The following CFAP92 variants were observed in gnomAD, a reference collection of about 807,000 sequenced individuals.
CFAP92 encodes cilia and flagella associated protein 92 (putative), also known as uncharacterized protein CFAP92.
CFAP92 carries 86 observed loss-of-function variants against 106.3 expected under a neutral mutation model. The observed-to-expected ratio is 0.81, with a 90% confidence interval of 0.68 to 0.97. CFAP92 has a LOEUF of 0.97. CFAP92 is among the 50% of genes least tolerant of loss of function. CFAP92 has a pLI of 0.00. For missense variants in CFAP92, 1,204 were observed against 1,283.8 expected, an observed-to-expected ratio of 0.94 and a Z score of 0.95; for synonymous variants, 477 against 506.4, an observed-to-expected ratio of 0.94 and a Z score of 0.78.
At chr3:129,023,309 T>TC in the CFAP92 span, among the ~76,000 whole-genome samples, 3 of 137,218 alleles carry the variant, frequency 2.2e-5, no homozygotes, top group African/African-American at 8.2e-5. Context: ...GCCTCTTGCT[T>TC]CTTTTTTTTT....
intron 4 of CFAP92, among the ~76,000 whole-genome samples, chr3:128,980,296 G>A (rs768296782): frequency 6.0e-5 from 9 of 150,544 alleles, no homozygotes; most frequent in Non-Finnish European, 1.0e-4. Context: ...GATTCTAGGA[G>A]GTCAAGGCTA....
chr3:128,962,308 CAAGG>C (rs1180461614), intron 9 of CFAP92, among the ~76,000 whole-genome samples: 1 of 152,166 alleles, frequency 6.6e-6, no homozygotes. Flanking sequence ...ACCTTCTTTT[CAAGG>C]GCCTGTTTCC....
At position 128,993,148 on chromosome 3, in the gene CFAP92, T is replaced by C. The variant is rs549151576; in HGVS notation, c.157A>G (p.Ser53Gly). ...GGCTCAGATGAGGACTCGATGCTGC[T>C]GCACGGGCGGTCAGAGTCAGACTCC... is the stretch of plus-strand genomic sequence containing the variant. ...AQESDSDRPC[S>G]SIESSSEPAS... is the part of the protein sequence containing the mutation. Residue 53 changes from serine (S) to glycine (G), a missense_variant, in exon 2 of 16, where the codon AGC (serine) becomes GGC (glycine). By Grantham distance (56) the Ser-to-Gly change is moderately conservative (BLOSUM62 0). Transcript: ENST00000645291. 1.2e-6 allele frequency: 2 copies of C among 1,614,092 alleles called. No individual in the cohort carries two copies. The highest frequency in any genetic ancestry group is 2.2e-5 in the South Asian group (2 of 91,092).
At chr3:128,968,778 C>T (rs1416856444) in intron 8 of CFAP92, 1 of 152,462 alleles carries the variant, frequency 6.6e-6, no homozygotes, top group Non-Finnish European at 1.5e-5. Flanking sequence ...AACCCCTGCA[C>T]TGTACAGCAT....
chr3:128,996,557 A>C (rs1263157513), upstream of CFAP92, among the ~76,000 whole-genome samples: 1 of 152,210 alleles, frequency 6.6e-6, no homozygotes, highest in African/African-American at 2.4e-5. Context: ...ACCCTACCTC[A>C]GTGAAGATGG....
the CFAP92 span, among the ~76,000 whole-genome samples, chr3:129,022,429 A>G: frequency 6.6e-6 from 1 of 152,188 alleles, no homozygotes. Context: ...TTACATGAAG[A>G]TCTGGAGCCA....
intron 4 of CFAP92, among the ~76,000 whole-genome samples, chr3:128,981,142 T>C (rs1222608307): frequency 1.3e-5 from 2 of 150,948 alleles, no homozygotes; most frequent in East Asian, 3.9e-4. Context: ...GTTCACGCCA[T>C]TCTCCTGCCT....
chr3:128,927,482 A>G (rs1429153591), intron 12 of CFAP92, among the ~76,000 whole-genome samples: 1 of 152,138 alleles, frequency 6.6e-6, no homozygotes, highest in Non-Finnish European at 1.5e-5. Flanking sequence ...GCACTTTGGG[A>G]GGCCGAGGCG....
chr3:129,013,571 C>T, the CFAP92 span, among the ~76,000 whole-genome samples: 1 of 152,206 alleles, frequency 6.6e-6, no homozygotes, highest in African/African-American at 2.4e-5. Flanking sequence ...AGCTCCTATC[C>T]TCCCAATCAC....
In CFAP92 at chr3:128,916,895, G is replaced by A. The variant is rs115963848; in HGVS notation, c.2752-624C>T. Among the ~76,000 whole-genome samples, 1,459 of 152,332 alleles carry A rather than the reference G, an allele frequency of 9.6e-3. 15 individuals are homozygous for A. The highest frequency in any genetic ancestry group is 0.033 in the African/African-American group (1,392 of 41,560). On this transcript the variant is annotated intron_variant, in intron 12 of 15. Coordinates refer to ENST00000645291, the MANE Select transcript of CFAP92 (RefSeq NM_001394090.1). ...ACTCTAAATTGTTGGGCACTGTGCA[G>A]TGTTTCATATGCATATTTCACAGTA...
At chr3:128,912,437 C>T in intron 15 of CFAP92, 1 of 1,423,122 alleles carries the variant, frequency 7.0e-7, no homozygotes, top group Non-Finnish European at 9.8e-7. Flanking sequence ...GAAAAATGCC[C>T]CCACTTCAGC....
chr3:128,952,998 C>T (rs1055765374), intron 9 of CFAP92, among the ~76,000 whole-genome samples: 2 of 152,114 alleles, frequency 1.3e-5, no homozygotes, highest in African/African-American at 4.8e-5. Flanking sequence ...CAGAGAACTG[C>T]TTGAACCCAG....
upstream of CFAP92, chr3:129,002,830 A>C (rs896395048): frequency 2.6e-5 from 4 of 155,002 alleles, no homozygotes; most frequent in African/African-American, 9.6e-5. Flanking sequence ...CTGTGGGAGA[A>C]ACAGAGACAA....
intron 7 of CFAP92, among the ~76,000 whole-genome samples, chr3:128,973,973 A>G (rs184847051): frequency 6.6e-6 from 1 of 152,374 alleles, no homozygotes; most frequent in Non-Finnish European, 1.5e-5. Flanking sequence ...CAAAATAAAA[A>G]GAACGGTTTA....
chr3:128,939,648 C>T (rs1008635139), intron 10 of CFAP92, among the ~76,000 whole-genome samples: 1 of 152,136 alleles, frequency 6.6e-6, no homozygotes, highest in Non-Finnish European at 1.5e-5. Flanking sequence ...CCTGATCCAC[C>T]GCCCTAAGTA....
At chr3:129,012,531 T>C in the CFAP92 span, among the ~76,000 whole-genome samples, 2 of 152,168 alleles carry the variant, frequency 1.3e-5, no homozygotes, top group Non-Finnish European at 2.9e-5. Flanking sequence ...AACATTCTGC[T>C]TCCCAGCACC....
At chr3:128,922,273 G>A (rs776564432) in intron 12 of CFAP92, among the ~76,000 whole-genome samples, 1 of 151,982 alleles carries the variant, frequency 6.6e-6, no homozygotes, top group East Asian at 1.9e-4. Context: ...AACCCAGGAG[G>A]TGGAGCTTGC....
At chr3:128,984,183 A>T (rs926722667) in intron 4 of CFAP92, among the ~76,000 whole-genome samples, 3 of 152,210 alleles carry the variant, frequency 2.0e-5, no homozygotes, top group Non-Finnish European at 4.4e-5. Flanking sequence ...CGAGCAGATT[A>T]AAGGGAAAAG....
chr3:129,017,843 G>A, the CFAP92 span, among the ~76,000 whole-genome samples: 21 of 152,312 alleles, frequency 1.4e-4, 1 homozygote, highest in Admixed American at 4.6e-4. Context: ...GAACTTGGGG[G>A]CCCATTCCTA....
Sources: allele counts gnomAD v4.1 joint callset (sites outside exome capture counted in the v4.1 genomes callset), GRCh38; gene constraint gnomAD v4.1.1; transcripts MANE v1.5; gene names NCBI Gene and HGNC (gene_info 2026-07-23, HGNC 2026-07-21).